The following PGGT1B variants were observed in gnomAD, a reference collection of about 807,000 sequenced individuals.
PGGT1B encodes geranylgeranyl transferase type-1 subunit beta.
In PGGT1B, 30 loss-of-function variants were observed where a neutral mutation model predicts 46.1. That is an observed-to-expected ratio of 0.65 (90% CI 0.49 to 0.88). The LOEUF is 0.88. Among genes scored for constraint, PGGT1B ranks in the 40% least tolerant of loss-of-function variants. PGGT1B has a pLI of 0.00. For synonymous variants in PGGT1B, 170 were observed against 160.0 expected (o/e 1.06, Z -0.47); for missense variants, 376 against 455.9 (o/e 0.82, Z 1.60).
At chr5:115,235,277 A>T (rs1019446392) in intron 5 of PGGT1B, among the ~76,000 whole-genome samples, 18 of 152,088 alleles carry the variant, frequency 1.2e-4, no homozygotes, top group African/African-American at 3.9e-4. Flanking sequence ...ATAAGTAAGT[A>T]TAAGTAAATA....
intron 6 of PGGT1B, among the ~76,000 whole-genome samples, chr5:115,226,315 C>T (rs1756781607): frequency 6.6e-6 from 1 of 152,002 alleles, no homozygotes; most frequent in African/African-American, 2.4e-5. Context: ...ATTAGGGAAG[C>T]TTAATTGGTA....
intron 5 of PGGT1B, among the ~76,000 whole-genome samples, chr5:115,234,947 A>G (rs1757129748): frequency 6.6e-6 from 1 of 152,196 alleles, no homozygotes; most frequent in African/African-American, 2.4e-5. Context: ...AGAAGTAATG[A>G]CATCGCAATA....
chr5:115,209,337 AT>A lies in PGGT1B; in HGVS notation c.*3064del. The stretch of plus-strand genomic sequence containing the variant: ...AGCTCTAATGCAATCAGCAGACCTT[AT>A]CATATTGCTTTAACATTCATCTGCA... On this transcript the variant is annotated 3_prime_UTR_variant, in exon 9 of 9. Coordinates refer to ENST00000419445, the MANE Select transcript of PGGT1B (RefSeq NM_005023.4). 1 of 152,222 alleles carries A rather than the reference AT, an allele frequency of 6.6e-6. No homozygotes were observed. The highest frequency in any genetic ancestry group is 6.6e-5 in the Admixed American group (1 of 15,256). 9.4% of individuals were successfully genotyped at this position (152,222 alleles called of 1,614,324 possible). A position where few individuals can be genotyped will look rare whatever the true frequency, so the allele number is the denominator to read the frequency against.
intron 8 of PGGT1B, among the ~76,000 whole-genome samples, chr5:115,213,940 C>T (rs1429033126): frequency 1.3e-5 from 2 of 152,150 alleles, no homozygotes; most frequent in African/African-American, 4.8e-5. Context: ...CTAATGGAGG[C>T]CCATGTTGAT....
chr5:115,247,632 G>A (rs773259496), intron 2 of PGGT1B, among the ~76,000 whole-genome samples: 6 of 152,024 alleles, frequency 3.9e-5, no homozygotes, highest in Admixed American at 2.0e-4. Flanking sequence ...CCTTAAGGAT[G>A]TCAAGAAAGT....
chr5:115,207,069 A>G lies in PGGT1B; in HGVS notation c.*5333T>C, dbSNP rs1184557532. ...AGTTTTTTTAGTTTTCCTCATACAG[A>G]TTTTAGATGTGTCTTAAATTTACAC... On this transcript the variant is annotated 3_prime_UTR_variant, in exon 9 of 9. Transcript: ENST00000419445. 2.0e-5 allele frequency: 3 copies of G among 150,850 alleles called. No homozygotes were observed. The highest frequency in any genetic ancestry group is 3.0e-5 in the Non-Finnish European group (2 of 67,560). The allele number at this position is 150,850 out of a possible 1,614,324, so 9.3% of individuals were successfully genotyped here. A position where few individuals can be genotyped will look rare whatever the true frequency, so the allele number is the denominator to read the frequency against.
chr5:115,262,827 G>T lies in PGGT1B; in HGVS notation c.25C>A (p.Leu9Ile), dbSNP rs751967956. 2 of 1,612,490 alleles carry T rather than the reference G, an allele frequency of 1.2e-6. No homozygotes were observed. Among genetic ancestry groups the T allele is most frequent in the Non-Finnish European group, 1.7e-6 (2 of 1,179,944 alleles). The change falls in exon 1 of 9, where the codon CTA becomes ATA. Residue 9 changes from leucine to isoleucine, a missense_variant. By Grantham distance (5) the Leu-to-Ile change is conservative. Around this residue, in one of 2 missense-constraint regions of PGGT1B, gnomAD observed 154 missense variants for 142.3 expected, o/e 1.08. Transcript: ENST00000419445. MAATEDER[L>I]AGSGEGERLD... ...CGCTCTCCCTCACCGCTCCCTGCTAGCCTCTCATCCTCAGTGGCCGCCATG... is the reference window on the plus strand; with the variant it reads ...CGCTCTCCCTCACCGCTCCCTGCTATCCTCTCATCCTCAGTGGCCGCCATG...
At chr5:115,261,060 C>T (rs756072656) in intron 1 of PGGT1B, among the ~76,000 whole-genome samples, 5 of 152,070 alleles carry the variant, frequency 3.3e-5, no homozygotes, top group Non-Finnish European at 7.4e-5. Context: ...TGTATGTATA[C>T]GATAAATATG....
chr5:115,254,567 CT>C (rs1748234971), intron 1 of PGGT1B, among the ~76,000 whole-genome samples: 1 of 149,432 alleles, frequency 6.7e-6, no homozygotes, highest in Non-Finnish European at 1.5e-5. Flanking sequence ...TCTGTACCAA[CT>C]TTAGGAGAGA....
chr5:115,239,769 G>A lies in PGGT1B; in HGVS notation c.328-1760C>T, dbSNP rs966482690. The stretch of plus-strand genomic sequence containing the variant: ...AAAAAGTAAACGCAAATTAGAGAAG[G>A]ATAATTCTGGGGTGCACATTAAGGA... On this transcript the variant is annotated intron_variant, in intron 3 of 8. Coordinates refer to ENST00000419445, the MANE Select transcript of PGGT1B (RefSeq NM_005023.4). Among the ~76,000 whole-genome samples, 11 of 152,272 alleles carry A rather than the reference G, an allele frequency of 7.2e-5. 1 individual carries two copies. The highest frequency in any genetic ancestry group is 2.0e-4 in the Admixed American group (3 of 15,300).
At chr5:115,240,896 A>G (rs1471825163) in intron 3 of PGGT1B, among the ~76,000 whole-genome samples, 1 of 152,190 alleles carries the variant, frequency 6.6e-6, no homozygotes, top group African/African-American at 2.4e-5. Context: ...TATTTTGTGT[A>G]CATATGGAAC....
At chr5:115,235,421 G>A (rs1173297593) in intron 5 of PGGT1B, among the ~76,000 whole-genome samples, 2 of 152,018 alleles carry the variant, frequency 1.3e-5, no homozygotes, top group Non-Finnish European at 2.9e-5. Flanking sequence ...GGGACTCACT[G>A]AATATTTAGT....
intron 5 of PGGT1B, among the ~76,000 whole-genome samples, chr5:115,235,977 G>A (rs980114162): frequency 1.3e-5 from 2 of 152,030 alleles, no homozygotes; most frequent in Non-Finnish European, 2.9e-5. Flanking sequence ...GATAGTTCTG[G>A]CTAAGACTAA....
At position 115,209,804 on chromosome 5, in the gene PGGT1B, C is replaced by A. The variant is rs1369489398; in HGVS notation, c.*2598G>T. 1 of 152,058 alleles carries A rather than the reference C, an allele frequency of 6.6e-6. No homozygotes were observed. Among genetic ancestry groups the A allele is most frequent in the Admixed American group, 6.6e-5 (1 of 15,228 alleles). 9.4% of individuals were successfully genotyped at this position (152,058 alleles called of 1,614,324 possible). A position where few individuals can be genotyped will look rare whatever the true frequency, so the allele number is the denominator to read the frequency against. On this transcript the variant is annotated 3_prime_UTR_variant, in exon 9 of 9. Transcript: ENST00000419445. The stretch of plus-strand genomic sequence containing the variant: ...TGTATTCCAGGTACTATCCTAAGTG[C>A]TTTATCTGTATTATCTCATTTAATC...
chr5:115,259,761 G>A lies in PGGT1B; in HGVS notation c.140+2951C>T, dbSNP rs559537006. 1.2e-4 allele frequency among the ~76,000 whole-genome samples: 18 copies of A among 151,512 alleles called. No individual in the cohort carries two copies. The South Asian group carries it at 3.1e-3, about 26-fold the overall frequency. ...AGTAGTTGCAGAATGGGAGGCAGGA[G>A]AGAGGTTACAACACAGGATACACAG... is the stretch of plus-strand genomic sequence containing the variant. On this transcript the variant is annotated intron_variant, in intron 1 of 8. Coordinates refer to ENST00000419445, the MANE Select transcript of PGGT1B (RefSeq NM_005023.4).
intron 2 of PGGT1B, among the ~76,000 whole-genome samples, chr5:115,251,132 G>T (rs951683462): frequency 1.3e-5 from 2 of 152,086 alleles, no homozygotes; most frequent in African/African-American, 4.8e-5. Flanking sequence ...CACTAGAACT[G>T]TTGGGTCATA....
chr5:115,217,751 T>C (rs568854013), intron 7 of PGGT1B, among the ~76,000 whole-genome samples: 6 of 151,984 alleles, frequency 3.9e-5, no homozygotes, highest in Non-Finnish European at 8.8e-5. Context: ...AAGAAAGTTA[T>C]GGTACAAACA....
intron 6 of PGGT1B, among the ~76,000 whole-genome samples, chr5:115,222,955 C>T (rs947493818): frequency 2.6e-5 from 4 of 152,076 alleles, no homozygotes; most frequent in Admixed American, 2.6e-4. Context: ...ACATCACACA[C>T]CGGGGCCTGT....
Position 115,212,142 on chromosome 5 carries a change from T to C in PGGT1B, c.*260A>G, listed in dbSNP as rs796263620. ...GATAACCTACACACATACAGTTAAT[T>C]TGCCTCAAACAACTTCTTAGAAATA... On this transcript the variant is annotated 3_prime_UTR_variant, in exon 9 of 9. Transcript: ENST00000419445. 3 of 422,594 alleles carry C rather than the reference T, an allele frequency of 7.1e-6. No individual in the cohort carries two copies. The highest frequency in any genetic ancestry group is 4.1e-5 in the African/African-American group (2 of 48,494). The allele number at this position is 422,594 out of a possible 1,614,324, so 26.2% of individuals were successfully genotyped here. A position where few individuals can be genotyped will look rare whatever the true frequency, so the allele number is the denominator to read the frequency against.
Sources: gnomAD v4.1 joint callset for allele counts (sites outside exome capture counted in the v4.1 genomes callset) on GRCh38, gnomAD v4.1.1 for gene constraint, gnomAD v4.1.1 regional missense constraint, MANE v1.5 for transcripts, NCBI Gene and HGNC (gene_info 2026-07-23, HGNC 2026-07-21) for gene names.